Variants in NRG1 observed in about 807,000 individuals in gnomAD.
NRG1 encodes neuregulin 1.
In NRG1, 18 loss-of-function variants were observed where a neutral mutation model predicts 63.8. The ratio of observed to expected loss-of-function variants is 0.28; its 90% confidence interval spans 0.19 to 0.42. The LOEUF (loss-of-function observed/expected upper bound fraction) is 0.42, where lower values mean the gene tolerates loss of function less well. Ranked by LOEUF, NRG1 falls within the 10% of genes least tolerant of loss-of-function variation. The pLI is 1.00. For synonymous variants in NRG1, 302 were observed against 301.3 expected (o/e 1.00, Z -0.02); for missense variants, 762 against 814.7 (o/e 0.94, Z 0.79).
chr8:31,703,653 C>T (rs1810849429), intron 1 of NRG1, among the ~76,000 whole-genome samples: 1 of 152,188 alleles, frequency 6.6e-6, no homozygotes, highest in African/African-American at 2.4e-5. Context: ...ACCATATCCT[C>T]AAGTTTATGT....
intron 5 of NRG1, chr8:32,648,117 T>G: frequency 6.2e-7 from 1 of 1,614,160 alleles, no homozygotes; most frequent in Non-Finnish European, 8.5e-7. Context: ...CTCAGCTGTG[T>G]GGGTGTCGTC....
Position 32,614,577 on chromosome 8 carries a change from A to G in NRG1, c.451+13A>G, listed in dbSNP as rs1379890680. On this transcript the variant is annotated intron_variant, in intron 4 of 11. Coordinates refer to ENST00000356819, the Ensembl canonical transcript of NRG1. ...TATGTGTCTTCAGGTAAGGAAAATA[A>G]GCCTGGCAAATTTTACTAACCAGAA... 6.2e-7 allele frequency: 1 copy of G among 1,610,952 alleles called. No homozygotes were observed. Among genetic ancestry groups the G allele is most frequent in the South Asian group, 1.1e-5 (1 of 90,812 alleles).
intron 1 of NRG1, among the ~76,000 whole-genome samples, chr8:31,845,547 CT>C (rs2129608294): frequency 6.6e-6 from 1 of 152,074 alleles, no homozygotes; most frequent in South Asian, 2.1e-4. Context: ...TGAAAATGCT[CT>C]TTTTGTTAGC....
chr8:31,763,560 T>C (rs1174734818), intron 1 of NRG1, among the ~76,000 whole-genome samples: 1 of 152,194 alleles, frequency 6.6e-6, no homozygotes, highest in Non-Finnish European at 1.5e-5. Flanking sequence ...TGAAACCAAG[T>C]AATGGTTCTT....
At chr8:31,923,940 T>C (rs899410115) in intron 1 of NRG1, among the ~76,000 whole-genome samples, 5 of 152,096 alleles carry the variant, frequency 3.3e-5, no homozygotes, top group African/African-American at 1.2e-4. Flanking sequence ...TGTGCACACA[T>C]TATTTAGCTC....
chr8:32,352,591 G>T (rs1805752249), intron 1 of NRG1, among the ~76,000 whole-genome samples: 1 of 152,070 alleles, frequency 6.6e-6, no homozygotes, highest in African/African-American at 2.4e-5. Flanking sequence ...ACTTCATACT[G>T]TAAAGATGGC....
chr8:32,162,628 CAGCCACTCCTATCTTCAGCA>C (rs1838963736), intron 1 of NRG1, among the ~76,000 whole-genome samples: 2 of 151,988 alleles, frequency 1.3e-5, no homozygotes, highest in South Asian at 4.3e-4. Flanking sequence ...AAATATTTGC[CAGCCACTCCTATCTTCAGCA>C]AAACTTGAGT....
intron 1 of NRG1, among the ~76,000 whole-genome samples, chr8:32,429,479 G>A (rs1415917482): frequency 6.6e-6 from 1 of 152,088 alleles, no homozygotes; most frequent in African/African-American, 2.4e-5. Context: ...AAATACCTAG[G>A]CACCTTGGCA....
chr8:32,226,540 T>A (rs1469807859), intron 1 of NRG1, among the ~76,000 whole-genome samples: 4 of 152,112 alleles, frequency 2.6e-5, no homozygotes, highest in African/African-American at 9.7e-5. Flanking sequence ...GAAAAAAAAA[T>A]TCTGGTTCCA....
At chr8:32,016,477 C>A (rs1471679183) in intron 1 of NRG1, among the ~76,000 whole-genome samples, 2 of 151,986 alleles carry the variant, frequency 1.3e-5, no homozygotes, top group Non-Finnish European at 2.9e-5. Context: ...AAATAATTAT[C>A]AAGCTGTTTT....
At chr8:31,669,887 G>C (rs1241355050) in intron 1 of NRG1, among the ~76,000 whole-genome samples, 1 of 152,130 alleles carries the variant, frequency 6.6e-6, no homozygotes, top group Non-Finnish European at 1.5e-5. Flanking sequence ...TGAGGATTGG[G>C]TGTGGAATTT....
intron 1 of NRG1, among the ~76,000 whole-genome samples, chr8:32,542,096 T>C (rs558450806): frequency 6.6e-6 from 1 of 152,274 alleles, no homozygotes; most frequent in South Asian, 2.1e-4. Flanking sequence ...TTTTATAGGC[T>C]CCTCTGACAC....
rs975252309 is a variant in NRG1 at position 32,548,404 on chromosome 8, C to G, written c.-323C>G. On this transcript the variant is annotated 5_prime_UTR_variant, in exon 1 of 12. Transcript: ENST00000356819. ...AGCGTGAGCAGGACGGTGATAACCT[C>G]TCCCCGATCGGGTTGCGAGGGCGCC... The G allele has an allele frequency of 1.7e-5, 18 of 1,087,098 alleles. No individual in the cohort carries two copies. The African/African-American group carries it at 2.2e-4, about 13-fold the overall frequency. The allele number at this position is 1,087,098 out of a possible 1,614,324, so 67.3% of individuals were successfully genotyped here.
intron 1 of NRG1, among the ~76,000 whole-genome samples, chr8:32,408,520 G>T (rs1401695318): frequency 6.6e-6 from 1 of 152,142 alleles, no homozygotes; most frequent in Non-Finnish European, 1.5e-5. Flanking sequence ...TTAGATCCCT[G>T]CTGGGCTCAT....
chr8:32,687,952 T>C (rs1810603602), intron 5 of NRG1, among the ~76,000 whole-genome samples: 1 of 152,110 alleles, frequency 6.6e-6, no homozygotes, highest in Non-Finnish European at 1.5e-5. Context: ...CATGAGCTAG[T>C]CACCTCCCAC....
intron 1 of NRG1, among the ~76,000 whole-genome samples, chr8:31,986,517 T>C (rs1212277610): frequency 6.6e-6 from 1 of 152,096 alleles, no homozygotes; most frequent in African/African-American, 2.4e-5. Flanking sequence ...CCTCCTAAAC[T>C]TAATACATTT....
At chr8:31,744,818 GA>G (rs1021641726) in intron 1 of NRG1, among the ~76,000 whole-genome samples, 22 of 151,944 alleles carry the variant, frequency 1.4e-4, no homozygotes, top group African/African-American at 5.1e-4. Flanking sequence ...AAAGAGAAAA[GA>G]AAACAAAATA....
chr8:32,575,785 T>C (rs1839514571), intron 1 of NRG1, among the ~76,000 whole-genome samples: 1 of 152,166 alleles, frequency 6.6e-6, no homozygotes, highest in African/African-American at 2.4e-5. Flanking sequence ...CCTTTTATAA[T>C]TCTTAACTGT....
At chr8:32,177,587 G>A (rs1005887657) in intron 1 of NRG1, among the ~76,000 whole-genome samples, 6 of 151,472 alleles carry the variant, frequency 4.0e-5, no homozygotes, top group Non-Finnish European at 7.4e-5. Context: ...TGTTCCCCTC[G>A]CTGTGTCCAT....
Sources: allele counts gnomAD v4.1 joint callset (sites outside exome capture counted in the v4.1 genomes callset), GRCh38; gene constraint gnomAD v4.1.1; transcripts MANE v1.5; gene names NCBI Gene and HGNC (gene_info 2026-07-23, HGNC 2026-07-21).